SMIM35: variants seen among roughly 807,000 people sequenced by gnomAD.
SMIM35 encodes TMPRSS4 antisense RNA 1 (non-protein coding).
At chr11:118,054,628 T>C (rs1944281674) in intron 1 of SMIM35, among the ~76,000 whole-genome samples, 2 of 152,168 alleles carry the variant, frequency 1.3e-5, no homozygotes, top group Admixed American at 1.3e-4. Flanking sequence ...CGTCATTACC[T>C]GAGTGTTTAT....
chr11:118,010,934 AC>A (rs1161147720), intron 4 of SMIM35, among the ~76,000 whole-genome samples: 7 of 152,196 alleles, frequency 4.6e-5, no homozygotes, highest in Admixed American at 1.3e-4. Flanking sequence ...GCTCAGCCAA[AC>A]CTGTGGCTGG....
At chr11:118,019,631 T>A (rs202239490) in intron 1 of SMIM35, among the ~76,000 whole-genome samples, 1 of 152,244 alleles carries the variant, frequency 6.6e-6, no homozygotes, top group East Asian at 1.9e-4. Flanking sequence ...AATTTATCTA[T>A]TTGTGCTTTT....
intron 1 of SMIM35, among the ~76,000 whole-genome samples, chr11:118,037,667 T>C (rs531571366): frequency 6.6e-6 from 1 of 152,354 alleles, no homozygotes; most frequent in East Asian, 1.9e-4. Flanking sequence ...GTTAAGTTGA[T>C]CTTGCAAGGT....
At chr11:118,029,445 C>G (rs1324079384) in intron 1 of SMIM35, among the ~76,000 whole-genome samples, 1 of 152,190 alleles carries the variant, frequency 6.6e-6, no homozygotes, top group Non-Finnish European at 1.5e-5. Flanking sequence ...CAGTTTCAAA[C>G]CCACTCTCTC....
intron 3 of SMIM35, 85 bp downstream of exon 3, chr11:118,014,623 C>T: frequency 5.0e-6 from 2 of 398,574 alleles, no homozygotes; most frequent in Non-Finnish European, 8.8e-6. Context: ...GGGAACCAGT[C>T]AGTTCTTAAT....
chr11:118,021,097 C>T (rs1446986537), intron 1 of SMIM35, among the ~76,000 whole-genome samples: 1 of 148,332 alleles, frequency 6.7e-6, no homozygotes, highest in African/African-American at 2.5e-5. Flanking sequence ...AGAATTATGG[C>T]TGGTATAAGA....
At chr11:118,069,777 CAA>C (rs1214430166) in intron 1 of SMIM35, among the ~76,000 whole-genome samples, 23 of 152,232 alleles carry the variant, frequency 1.5e-4, no homozygotes, top group African/African-American at 5.3e-4. Context: ...GAAGTTCATA[CAA>C]GGCCAGGCGC....
intron 1 of SMIM35, chr11:118,077,321 T>A: frequency 6.3e-7 from 1 of 1,596,198 alleles, no homozygotes; most frequent in Non-Finnish European, 8.5e-7. Context: ...TGTGGGGCCC[T>A]CTGCTCCCAA....
chr11:118,011,787 G>A (rs907008856), intron 4 of SMIM35, among the ~76,000 whole-genome samples: 3 of 152,130 alleles, frequency 2.0e-5, no homozygotes, highest in Non-Finnish European at 2.9e-5. Flanking sequence ...GAAGGAAGCC[G>A]AAGACAACTC....
chr11:118,041,511 T>G (rs1217166544), intron 1 of SMIM35, among the ~76,000 whole-genome samples: 2 of 152,158 alleles, frequency 1.3e-5, no homozygotes. Context: ...ATGGGAATAA[T>G]TCTACAAATA....
chr11:118,048,376 G>T (rs1205325586), intron 1 of SMIM35, among the ~76,000 whole-genome samples: 7 of 152,124 alleles, frequency 4.6e-5, no homozygotes, highest in Non-Finnish European at 8.8e-5. Context: ...AGCTGGACCT[G>T]CTGGCGTGCT....
intron 1 of SMIM35, among the ~76,000 whole-genome samples, chr11:118,047,039 A>G (rs1944108300): frequency 2.0e-5 from 3 of 152,172 alleles, no homozygotes; most frequent in African/African-American, 7.2e-5. Flanking sequence ...TACTTCCCTA[A>G]GCAAGATAAA....
At chr11:118,061,186 A>G (rs1057429709) in intron 1 of SMIM35, among the ~76,000 whole-genome samples, 1 of 152,242 alleles carries the variant, frequency 6.6e-6, no homozygotes, top group Non-Finnish European at 1.5e-5. Context: ...GCCAAGGCGC[A>G]AGCCCAGCAT....
intron 1 of SMIM35, among the ~76,000 whole-genome samples, chr11:118,017,604 G>A (rs754132000): frequency 2.6e-5 from 4 of 152,162 alleles, no homozygotes; most frequent in Non-Finnish European, 5.9e-5. Flanking sequence ...TAAATAAAGT[G>A]GTCAAGGAAG....
At chr11:118,029,118 T>C (rs939653650) in intron 1 of SMIM35, 1 of 259,566 alleles carries the variant, frequency 3.9e-6, no homozygotes, top group Admixed American at 5.1e-5. Flanking sequence ...ATAGCATAAA[T>C]AAATAAAACC....
At chr11:118,083,995 G>A (rs943157712) in intron 1 of SMIM35, among the ~76,000 whole-genome samples, 3 of 152,038 alleles carry the variant, frequency 2.0e-5, no homozygotes, top group Admixed American at 6.6e-5. Flanking sequence ...CCGAGACAGC[G>A]CCACTGCACT....
chr11:118,084,364 G>A (rs918296493), intron 1 of SMIM35, among the ~76,000 whole-genome samples: 2 of 152,182 alleles, frequency 1.3e-5, no homozygotes, highest in Admixed American at 6.5e-5. Context: ...ATGTGAGTGG[G>A]CAGGAAAGCA....
At chr11:118,085,982 G>A (rs569421338) in intron 1 of SMIM35, among the ~76,000 whole-genome samples, 11 of 152,222 alleles carry the variant, frequency 7.2e-5, no homozygotes. Flanking sequence ...ATCGCAGAGG[G>A]ATTCCTAAGC....
intron 1 of SMIM35, among the ~76,000 whole-genome samples, chr11:118,065,940 G>A (rs1020511583): frequency 6.6e-6 from 1 of 152,172 alleles, no homozygotes; most frequent in Non-Finnish European, 1.5e-5. Flanking sequence ...GACCAGGCTA[G>A]AATCAGGAGG....
Sources: gnomAD v4.1 joint callset for allele counts (sites outside exome capture counted in the v4.1 genomes callset) on GRCh38, gnomAD v4.1.1 for gene constraint, MANE v1.5 for transcripts, NCBI Gene and HGNC (gene_info 2026-07-23, HGNC 2026-07-21) for gene names.